The following HUNK variants were observed in gnomAD, a reference collection of about 807,000 sequenced individuals.
HUNK encodes hormonally up-regulated neu tumor-associated kinase.
Under a neutral mutation model 61.0 loss-of-function variants are expected in HUNK, and 21 were observed. The ratio of observed to expected loss-of-function variants is 0.34; its 90% CI spans 0.24 to 0.50. The LOEUF is 0.50. Among genes scored for constraint, HUNK ranks in the 20% least tolerant of loss-of-function variants. The pLI is 0.98. For missense variants in HUNK, 772 were observed against 945.7 expected (o/e 0.82, Z 2.41); for synonymous variants, 371 against 386.1 (o/e 0.96, Z 0.46).
At chr21:31,929,182 A>G (rs1601383289) in intron 2 of HUNK, among the ~76,000 whole-genome samples, 1 of 151,872 alleles carries the variant, frequency 6.6e-6, no homozygotes, top group African/African-American at 2.4e-5. Flanking sequence ...GGAAATATTT[A>G]TTTATCTTTC....
chr21:31,986,514 C>T (rs775829634), intron 8 of HUNK, among the ~76,000 whole-genome samples: 9 of 152,014 alleles, frequency 5.9e-5, no homozygotes, highest in African/African-American at 9.7e-5. Context: ...ACCCTCGCAC[C>T]GCATCATGTC....
intron 6 of HUNK, among the ~76,000 whole-genome samples, chr21:31,973,952 A>G (rs2053030878): frequency 6.6e-6 from 1 of 151,970 alleles, no homozygotes; most frequent in Non-Finnish European, 1.5e-5. Flanking sequence ...CTCTGAGAGG[A>G]CCCCACTTTG....
At chr21:31,895,224 C>T (rs1221323115) in intron 1 of HUNK, among the ~76,000 whole-genome samples, 1 of 152,160 alleles carries the variant, frequency 6.6e-6, no homozygotes, top group East Asian at 1.9e-4. Context: ...GGGGAATGCC[C>T]TTCACGAGAC....
intron 3 of HUNK, among the ~76,000 whole-genome samples, chr21:31,945,333 C>T (rs1019120638): frequency 1.3e-5 from 2 of 152,156 alleles, no homozygotes; most frequent in African/African-American, 4.8e-5. Context: ...CTTTCTCCCC[C>T]CTCTTCCTGG....
At chr21:31,956,255 G>C (rs759823379) in intron 4 of HUNK, among the ~76,000 whole-genome samples, 1 of 152,180 alleles carries the variant, frequency 6.6e-6, no homozygotes, top group Non-Finnish European at 1.5e-5. Context: ...GCCTTGGAAA[G>C]CTTTATTTTT....
At chr21:31,968,145 C>T in intron 5 of HUNK, 105 bp from the exon 6 acceptor site, 2 of 1,376,834 alleles carry the variant, frequency 1.5e-6, no homozygotes, top group Admixed American at 3.5e-5. Context: ...CCAGCAGTGA[C>T]TCGGGATGGG....
chr21:31,941,887 C>T (rs1225080595), intron 3 of HUNK, among the ~76,000 whole-genome samples: 1 of 152,120 alleles, frequency 6.6e-6, no homozygotes, highest in Non-Finnish European at 1.5e-5. Flanking sequence ...TATAAAAGAA[C>T]AGACTTTGTA....
intron 2 of HUNK, among the ~76,000 whole-genome samples, chr21:31,939,401 T>G (rs1275305287): frequency 2.6e-5 from 2 of 76,440 alleles, no homozygotes; most frequent in African/African-American, 6.4e-5. Context: ...TTTCATGTGT[T>G]TTTTTTTTTT....
chr21:31,888,503 G>A (rs1489184645), intron 1 of HUNK, among the ~76,000 whole-genome samples: 2 of 152,156 alleles, frequency 1.3e-5, no homozygotes, highest in East Asian at 1.9e-4. Flanking sequence ...TTGGGAGGCC[G>A]AGGCGGGCAG....
chr21:31,874,064 C>A, intron 1 of HUNK, 129 bp downstream of exon 1: 2 of 684,112 alleles, frequency 2.9e-6, no homozygotes, highest in Non-Finnish European at 4.1e-6. Context: ...CTCCGCCCGG[C>A]TTTCCTGTTG....
intron 3 of HUNK, among the ~76,000 whole-genome samples, chr21:31,944,888 T>C (rs1601390683): frequency 1.3e-5 from 2 of 152,198 alleles, no homozygotes; most frequent in African/African-American, 4.8e-5. Context: ...GACATCTTGA[T>C]CCATGGTGTG....
intron 4 of HUNK, among the ~76,000 whole-genome samples, chr21:31,949,020 C>A (rs1230270241): frequency 6.6e-6 from 1 of 152,208 alleles, no homozygotes; most frequent in Non-Finnish European, 1.5e-5. Flanking sequence ...CACCCCTGAA[C>A]CTCAGGACAG....
At chr21:31,987,087 A>C (rs1317012334) in intron 8 of HUNK, among the ~76,000 whole-genome samples, 5 of 152,194 alleles carry the variant, frequency 3.3e-5, no homozygotes, top group African/African-American at 1.2e-4. Context: ...GAAAAGATCA[A>C]GTGGGCCCTG....
intron 3 of HUNK, among the ~76,000 whole-genome samples, chr21:31,942,013 C>T (rs367905788): frequency 6.6e-6 from 1 of 152,200 alleles, no homozygotes; most frequent in East Asian, 1.9e-4. Flanking sequence ...AGTTCAAGAC[C>T]AGCCTGACTA....
At chr21:31,983,728 C>G (rs534329773) in intron 8 of HUNK, 119 bp downstream of exon 8, 2 of 702,068 alleles carry the variant, frequency 2.8e-6, no homozygotes, top group Non-Finnish European at 4.9e-6. Flanking sequence ...CACATACTTA[C>G]GCTCATAACT....
At chr21:31,931,281 T>A (rs1422314116) in intron 2 of HUNK, among the ~76,000 whole-genome samples, 2 of 151,852 alleles carry the variant, frequency 1.3e-5, no homozygotes, top group Non-Finnish European at 2.9e-5. Context: ...TACCTTTCAT[T>A]GGGCTGGGGG....
intron 4 of HUNK, among the ~76,000 whole-genome samples, chr21:31,956,869 T>G (rs1568934273): frequency 1.3e-5 from 2 of 152,158 alleles, no homozygotes; most frequent in Non-Finnish European, 2.9e-5. Flanking sequence ...CCCCTATTCC[T>G]CCCCTGGGGT....
chr21:31,983,334 G>A lies in HUNK; in HGVS notation c.1174-192G>A, dbSNP rs1304769542. On this transcript the variant is annotated intron_variant, in intron 7 of 10. Coordinates refer to ENST00000270112, the MANE Select transcript of HUNK (RefSeq NM_014586.2). ...CACAAAGTAGGTGACCTGACTCTGC[G>A]CCCAGGGCTCTCCCCACACTGCAAC... Among the ~76,000 whole-genome samples, 6 of 152,270 alleles carry A rather than the reference G, an allele frequency of 3.9e-5. No homozygotes were observed. The East Asian group carries it at 7.7e-4, about 20-fold the overall frequency.
intron 2 of HUNK, among the ~76,000 whole-genome samples, chr21:31,938,708 A>G (rs771121862): frequency 6.6e-6 from 1 of 152,208 alleles, no homozygotes; most frequent in Non-Finnish European, 1.5e-5. Context: ...CAAGAATGGT[A>G]TGTTTAAAAA....
Sources: gnomAD v4.1 joint callset for allele counts (sites outside exome capture counted in the v4.1 genomes callset) on GRCh38, gnomAD v4.1.1 for gene constraint, MANE v1.5 for transcripts, NCBI Gene and HGNC (gene_info 2026-07-23, HGNC 2026-07-21) for gene names.